Variants in ARMC9 observed in about 807,000 individuals in gnomAD.
ARMC9 encodes the protein lisH domain-containing protein ARMC9.
Under a neutral mutation model 107.0 loss-of-function variants are expected in ARMC9, and 94 were observed. The ratio of observed to expected loss-of-function variants is 0.88; its 90% CI spans 0.74 to 1.04. ARMC9 has a LOEUF of 1.04. Ranked by LOEUF, ARMC9 falls within the 50% of genes least tolerant of loss-of-function variation. ARMC9 has a pLI of 0.00. For synonymous variants in ARMC9, 380 were observed against 396.9 expected, an observed-to-expected ratio of 0.96 and a Z score of 0.51; for missense variants, 942 against 1,030.1, an observed-to-expected ratio of 0.91 and a Z score of 1.17.
At position 231,219,143 on chromosome 2, in the gene ARMC9, C is replaced by CT. The variant is rs147014769; in HGVS notation, c.504+2361dup. 2.5e-3 allele frequency among the ~76,000 whole-genome samples: 372 copies of CT among 147,698 alleles called. 3 individuals carry two copies. The highest frequency in any genetic ancestry group is 2.7e-3 in the Non-Finnish European group (182 of 66,484). ...ATTCATCCCCTTCACAATTTATGTC[C>CT]TTTTTTTTTTTGTCAAGTATCTTAG... is the stretch of plus-strand genomic sequence containing the variant. On this transcript the variant is annotated intron_variant, in intron 5 of 24. Transcript: ENST00000611582.
At chr2:231,281,174 T>G (rs1348611454) in intron 16 of ARMC9, among the ~76,000 whole-genome samples, 1 of 144,214 alleles carries the variant, frequency 6.9e-6, no homozygotes, top group East Asian at 2.0e-4. Context: ...CTGCCTCCAG[T>G]GCTGTAGTGG....
chr2:231,327,772 T>C (rs1009881061), intron 19 of ARMC9, among the ~76,000 whole-genome samples: 1 of 152,134 alleles, frequency 6.6e-6, no homozygotes, highest in Non-Finnish European at 1.5e-5. Flanking sequence ...CATGTTTAGC[T>C]TTTTTTGTTT....
intron 20 of ARMC9, among the ~76,000 whole-genome samples, chr2:231,344,296 C>T (rs1352079474): frequency 6.6e-6 from 1 of 152,188 alleles, no homozygotes; most frequent in African/African-American, 2.4e-5. Context: ...CTATTGGGAG[C>T]AGTGGACGGG....
chr2:231,310,136 C>T (rs535577946), intron 19 of ARMC9, among the ~76,000 whole-genome samples: 8 of 152,304 alleles, frequency 5.3e-5, no homozygotes, highest in East Asian at 3.9e-4. Context: ...GCTATGGGGC[C>T]GGGCGCGGTG....
chr2:231,211,352 C>G (rs984444053), intron 3 of ARMC9, among the ~76,000 whole-genome samples: 1 of 150,370 alleles, frequency 6.7e-6, no homozygotes, highest in Admixed American at 6.6e-5. Context: ...GAAACCCCGC[C>G]TCTACTAAAA....
intron 19 of ARMC9, among the ~76,000 whole-genome samples, chr2:231,300,868 G>A (rs115439999): frequency 0.031 from 4,778 of 152,220 alleles, 248 homozygotes; most frequent in African/African-American, 0.11. Flanking sequence ...GATGGCTGGC[G>A]TGGGGTAAAG....
At chr2:231,349,762 C>T (rs2044973709) in intron 21 of ARMC9, among the ~76,000 whole-genome samples, 1 of 150,830 alleles carries the variant, frequency 6.6e-6, no homozygotes, top group African/African-American at 2.5e-5. Context: ...GCCTAGGTAA[C>T]AGAGTGAGAC....
Position 231,270,964 on chromosome 2 carries a change from CTT to C in ARMC9, c.1120-17_1120-16del. The C allele has an allele frequency of 1.2e-6, 2 of 1,612,964 alleles. No individual in the cohort carries two copies. The highest frequency in any genetic ancestry group is 8.5e-7 in the Non-Finnish European group (1 of 1,179,098). ...CCGTGTTCTTAACCTTGTTTTTCCTCTTGACGTTTTCCCCCAGAGGAGTGTGC... is the reference window on the plus strand; with the variant it reads ...CCGTGTTCTTAACCTTGTTTTTCCTCGACGTTTTCCCCCAGAGGAGTGTGC... On this transcript the variant is annotated splice_polypyrimidine_tract_variant and intron_variant, in intron 12 of 24. Transcript: ENST00000611582.
chr2:231,277,211 C>G (rs2039836481), intron 15 of ARMC9, among the ~76,000 whole-genome samples: 1 of 152,172 alleles, frequency 6.6e-6, no homozygotes, highest in East Asian at 1.9e-4. Flanking sequence ...TGGAGGTTCT[C>G]CTGTGGGCAC....
chr2:231,203,065 C>T (rs1327232440), intron 1 of ARMC9, among the ~76,000 whole-genome samples: 5 of 152,146 alleles, frequency 3.3e-5, no homozygotes, highest in African/African-American at 1.2e-4. Context: ...GAGTGTGGCT[C>T]TGACCTAACT....
chr2:231,276,217 A>C (rs2039735417), intron 14 of ARMC9, among the ~76,000 whole-genome samples: 1 of 151,768 alleles, frequency 6.6e-6, no homozygotes, highest in Admixed American at 6.6e-5. Flanking sequence ...TATTCCTCAG[A>C]GTCTATGTCT....
At chr2:231,299,187 AAAAT>A (rs1559426440) in intron 19 of ARMC9, among the ~76,000 whole-genome samples, 1 of 152,216 alleles carries the variant, frequency 6.6e-6, no homozygotes, top group Non-Finnish European at 1.5e-5. Context: ...AATTTTAAAA[AAAAT>A]AAAGGTAGAG....
intron 7 of ARMC9, among the ~76,000 whole-genome samples, chr2:231,228,274 C>G (rs991259848): frequency 6.6e-6 from 1 of 152,216 alleles, no homozygotes; most frequent in Admixed American, 6.5e-5. Flanking sequence ...CAATGACATT[C>G]ACTTATAATG....
chr2:231,275,527 G>T (rs1574909030), intron 14 of ARMC9, among the ~76,000 whole-genome samples: 2 of 152,170 alleles, frequency 1.3e-5, no homozygotes. Context: ...CATTAACCAG[G>T]TCATTAAACT....
At chr2:231,275,592 C>T (rs1341918134) in intron 14 of ARMC9, among the ~76,000 whole-genome samples, 3 of 152,136 alleles carry the variant, frequency 2.0e-5, no homozygotes, top group African/African-American at 7.2e-5. Context: ...GCTTTTGCTC[C>T]TCCTTGTTTT....
intron 20 of ARMC9, among the ~76,000 whole-genome samples, chr2:231,336,461 C>G (rs1372855966): frequency 6.6e-6 from 1 of 152,214 alleles, no homozygotes; most frequent in Non-Finnish European, 1.5e-5. Flanking sequence ...TACCACTCAG[C>G]CGGGCCGCCT....
chr2:231,292,399 G>A (rs954530903), intron 18 of ARMC9, among the ~76,000 whole-genome samples: 9 of 152,126 alleles, frequency 5.9e-5, no homozygotes, highest in Admixed American at 2.0e-4. Context: ...GATAATGAAA[G>A]CAAATGCCAC....
intron 14 of ARMC9, among the ~76,000 whole-genome samples, chr2:231,274,483 A>G (rs1159992472): frequency 6.6e-6 from 1 of 152,330 alleles, no homozygotes; most frequent in Non-Finnish European, 1.5e-5. Flanking sequence ...GCCAATATGC[A>G]TAATGCTGCC....
chr2:231,363,491 CG>C (rs2045676377), intron 23 of ARMC9, among the ~76,000 whole-genome samples: 1 of 152,012 alleles, frequency 6.6e-6, no homozygotes, highest in Non-Finnish European at 1.5e-5. Flanking sequence ...TTACTTAGCC[CG>C]GCTTTCAGGT....
Sources: gnomAD v4.1 joint callset for allele counts (sites outside exome capture counted in the v4.1 genomes callset) on GRCh38, gnomAD v4.1.1 for gene constraint, MANE v1.5 for transcripts, NCBI Gene and HGNC (gene_info 2026-07-23, HGNC 2026-07-21) for gene names.